Variants in NUBPL observed in about 807,000 individuals in gnomAD.
The protein encoded by NUBPL is iron-sulfur cluster transfer protein NUBPL.
In NUBPL, 31 loss-of-function variants were observed where a neutral mutation model predicts 45.7. The observed-to-expected ratio is 0.68, with a 90% CI of 0.51 to 0.92. NUBPL has a LOEUF of 0.92. Ranked by LOEUF, NUBPL falls within the 40% of genes least tolerant of loss-of-function variation. The pLI is 0.00. For synonymous variants in NUBPL, 144 were observed against 140.9 expected (o/e 1.02, Z -0.15); for missense variants, 401 against 398.7 (o/e 1.01, Z -0.05).
At chr14:31,806,976 A>G (rs1008667682) in intron 7 of NUBPL, among the ~76,000 whole-genome samples, 3 of 151,010 alleles carry the variant, frequency 2.0e-5, no homozygotes, top group Non-Finnish European at 4.4e-5. Flanking sequence ...GCTGCATAGT[A>G]TTCCATGGTG....
Position 31,739,813 on chromosome 14 carries a change from A to G in NUBPL, c.514-47967A>G, listed in dbSNP as rs576479167. ...CCTAAAAATCCTCTGTGTCCTGCCT[A>G]TTGATCCTTCTCTCCCTCTGACCCC... On this transcript the variant is annotated intron_variant, in intron 6 of 10. Transcript: ENST00000281081. Among the ~76,000 whole-genome samples the G allele has an allele frequency of 2.0e-5, 3 of 152,304 alleles. No individual in the cohort carries two copies. In the South Asian group the frequency reaches 6.2e-4, roughly 32 times the overall value.
At chr14:31,580,164 CT>C (rs2033823917) in intron 3 of NUBPL, among the ~76,000 whole-genome samples, 1 of 152,176 alleles carries the variant, frequency 6.6e-6, no homozygotes, top group African/African-American at 2.4e-5. Flanking sequence ...TTACTGAGTA[CT>C]TTACATGTGC....
intron 6 of NUBPL, among the ~76,000 whole-genome samples, chr14:31,760,144 T>TGTGTGTGAGAGAGAGAGAGAGAGAGAGA: frequency 5.7e-5 from 2 of 34,844 alleles, no homozygotes; most frequent in African/African-American, 2.2e-4. Flanking sequence ...TGTGTGTGTG[T>TGTGTGTGAGAGAGAGAGAGAGAGAGAGA]GAGAGAGAGA....
rs755357085 is a variant in NUBPL, at chr14:31,762,352, A to G, written c.514-25428A>G. Among the ~76,000 whole-genome samples, 14 of 152,298 alleles carry G rather than the reference A, an allele frequency of 9.2e-5. No individual in the cohort carries two copies. In the South Asian group the frequency reaches 2.7e-3, roughly 29 times the overall value. ...GATTAGGAAAGAAAAGCTTAGGATG[A>G]GTAGTTTTTGAAGGACATCAAATAC... On this transcript the variant is annotated intron_variant, in intron 6 of 10. Transcript: ENST00000281081.
chr14:31,846,933 G>A (rs1191997172), intron 9 of NUBPL, among the ~76,000 whole-genome samples: 1 of 151,766 alleles, frequency 6.6e-6, no homozygotes, highest in Non-Finnish European at 1.5e-5. Flanking sequence ...TCCAGCCTGG[G>A]TGACAGAGTG....
intron 6 of NUBPL, among the ~76,000 whole-genome samples, chr14:31,756,544 T>C (rs2038669280): frequency 6.6e-6 from 1 of 151,988 alleles, no homozygotes; most frequent in East Asian, 1.9e-4. Flanking sequence ...TTCTGTACAT[T>C]GATTTTGTAT....
intron 7 of NUBPL, among the ~76,000 whole-genome samples, chr14:31,797,472 C>T (rs2039485770): frequency 2.3e-5 from 1 of 44,160 alleles, no homozygotes; most frequent in Non-Finnish European, 3.7e-5. Flanking sequence ...TGAATTGATC[C>T]CTTTACCATT....
chr14:31,719,868 A>G (rs1433891754), intron 6 of NUBPL, among the ~76,000 whole-genome samples: 1 of 152,156 alleles, frequency 6.6e-6, no homozygotes, highest in Non-Finnish European at 1.5e-5. Context: ...TTTTTAGCCA[A>G]CTTACTTCAT....
At chr14:31,815,222 C>T (rs556848757) in intron 7 of NUBPL, among the ~76,000 whole-genome samples, 38 of 151,968 alleles carry the variant, frequency 2.5e-4, no homozygotes, top group South Asian at 4.2e-4. Context: ...TCTTGAGCAG[C>T]GGTTTGTAGT....
At chr14:31,805,925 G>T (rs1190784758) in intron 7 of NUBPL, among the ~76,000 whole-genome samples, 2 of 148,688 alleles carry the variant, frequency 1.3e-5, no homozygotes, top group African/African-American at 5.0e-5. Flanking sequence ...AAAAAATTTT[G>T]GGGGGCATTT....
chr14:31,846,978 CAG>C (rs2040464288), intron 9 of NUBPL, among the ~76,000 whole-genome samples: 1 of 151,554 alleles, frequency 6.6e-6, no homozygotes, highest in Non-Finnish European at 1.5e-5. Context: ...AAACAAAAAA[CAG>C]TGTCTCTGAA....
At chr14:31,750,284 C>T (rs1439831058) in intron 6 of NUBPL, among the ~76,000 whole-genome samples, 2 of 150,662 alleles carry the variant, frequency 1.3e-5, no homozygotes, top group African/African-American at 2.4e-5. Context: ...ACGCCATTCT[C>T]CTGCCTCAGC....
intron 4 of NUBPL, among the ~76,000 whole-genome samples, chr14:31,637,285 T>G (rs1333409317): frequency 1.3e-5 from 2 of 152,238 alleles, no homozygotes; most frequent in Non-Finnish European, 2.9e-5. Flanking sequence ...TCTGGTATGT[T>G]GTGTCTTTGT....
At chr14:31,745,924 C>T (rs2038389390) in intron 6 of NUBPL, among the ~76,000 whole-genome samples, 1 of 151,914 alleles carries the variant, frequency 6.6e-6, no homozygotes, top group African/African-American at 2.4e-5. Context: ...GACCCAGCCT[C>T]AAAAAAGCCA....
chr14:31,859,625 A>C lies in NUBPL; in HGVS notation c.*445A>C. ...TCCTGTCTTTGGTACTGTCTTGGAC[A>C]TGTTCTTAATATGAACCTCTGCTTC... is the stretch of plus-strand genomic sequence containing the variant. On this transcript the variant is annotated 3_prime_UTR_variant, in exon 11 of 11. Transcript: ENST00000281081. The C allele has an allele frequency of 4.2e-6, 1 of 240,422 alleles. No individual in the cohort carries two copies. Among genetic ancestry groups the C allele is most frequent in the South Asian group, 5.6e-5 (1 of 17,892 alleles). 14.9% of individuals were successfully genotyped at this position (240,422 alleles called of 1,614,324 possible).
At chr14:31,836,302 A>C (rs2040280723) in intron 8 of NUBPL, among the ~76,000 whole-genome samples, 1 of 152,176 alleles carries the variant, frequency 6.6e-6, no homozygotes, top group South Asian at 2.1e-4. Flanking sequence ...CTGAGGTAAA[A>C]AGAAAAAAGG....
chr14:31,621,399 A>C (rs752406553), intron 4 of NUBPL, among the ~76,000 whole-genome samples: 2 of 152,078 alleles, frequency 1.3e-5, no homozygotes, highest in African/African-American at 2.4e-5. Flanking sequence ...CTTGAAACCC[A>C]GGGCCCTGGT....
chr14:31,792,293 A>G (rs1019653585), intron 7 of NUBPL, among the ~76,000 whole-genome samples: 2 of 152,194 alleles, frequency 1.3e-5, no homozygotes, highest in African/African-American at 4.8e-5. Context: ...TGGGATGAAT[A>G]TCCAACTCGT....
intron 4 of NUBPL, among the ~76,000 whole-genome samples, chr14:31,628,261 G>A (rs1196220682): frequency 6.6e-6 from 1 of 152,154 alleles, no homozygotes; most frequent in African/African-American, 2.4e-5. Flanking sequence ...ATTCAGTCTT[G>A]TATATTGTAG....
Sources: gnomAD v4.1 joint callset for allele counts (sites outside exome capture counted in the v4.1 genomes callset) on GRCh38, gnomAD v4.1.1 for gene constraint, MANE v1.5 for transcripts, NCBI Gene and HGNC (gene_info 2026-07-23, HGNC 2026-07-21) for gene names.